HSD17B4: variants seen among roughly 807,000 people sequenced by gnomAD.
HSD17B4 encodes the protein hydroxysteroid 17-beta dehydrogenase 4.
In HSD17B4, 70 loss-of-function variants were observed where a neutral mutation model predicts 101.0. The ratio of observed to expected loss-of-function variants is 0.69; its 90% CI spans 0.57 to 0.85. HSD17B4 has a LOEUF of 0.85. Among genes scored for constraint, HSD17B4 ranks in the 40% least tolerant of loss-of-function variants. The pLI is 0.00. For synonymous variants in HSD17B4, 347 were observed against 297.1 expected, an observed-to-expected ratio of 1.17 and a Z score of -1.73; for missense variants, 984 against 892.4, an observed-to-expected ratio of 1.10 and a Z score of -1.31.
intron 18 of HSD17B4, chr5:119,525,715 T>A: frequency 1.8e-6 from 1 of 564,142 alleles, no homozygotes; most frequent in Non-Finnish European, 3.1e-6. Context: ...CCTGTTTTGT[T>A]TTTTTTTTTT....
intron 2 of HSD17B4, among the ~76,000 whole-genome samples, chr5:119,467,762 A>C (rs1182376645): frequency 6.6e-6 from 1 of 152,226 alleles, no homozygotes; most frequent in Non-Finnish European, 1.5e-5. Flanking sequence ...TCACAGGGCC[A>C]ACTTCAGGAC....
In HSD17B4 at chr5:119,499,419, A is replaced by G. The variant is rs1261386976; in HGVS notation, c.1075A>G (p.Lys359Glu). ...AGTGGGAGCGTCAATCAAGGATCCA[A>G]AAGATTTGAAATTTATTTATGAAGG... is the stretch of plus-strand genomic sequence containing the variant. ...LGVGASIKDPKDLKFIYEGSS... is the reference protein window; with the variant it reads ...LGVGASIKDPEDLKFIYEGSS... Residue 359 changes from lysine (K) to glutamate (E), a missense_variant, in exon 13 of 24, where the codon AAA becomes GAA. Physicochemically the swap from Lys to Glu is moderately conservative, Grantham distance 56 (BLOSUM62 1). Coordinates refer to ENST00000510025, the MANE Select transcript of HSD17B4 (RefSeq NM_000414.4). 6.2e-7 allele frequency: 1 copy of G among 1,613,756 alleles called. No homozygotes were observed. Among genetic ancestry groups the G allele is most frequent in the Non-Finnish European group, 8.5e-7 (1 of 1,179,708 alleles).
intron 18 of HSD17B4, chr5:119,525,616 T>G (rs1753517388): frequency 1.9e-6 from 1 of 517,634 alleles, no homozygotes; most frequent in Non-Finnish European, 3.5e-6. Flanking sequence ...CATGTACCTG[T>G]GTGGATGTTG....
At position 119,515,822 on chromosome 5, in the gene HSD17B4, G is replaced by C. The variant is rs139046804; in HGVS notation, c.1503+776G>C. On this transcript the variant is annotated intron_variant, in intron 17 of 23. Coordinates refer to ENST00000510025, the MANE Select transcript of HSD17B4 (RefSeq NM_000414.4). ...AAAGGTCACTTTAAAAAAATTTTTG[G>C]TTGTATTTTAGAAGAGAACAACACA... is the stretch of plus-strand genomic sequence containing the variant. Among the ~76,000 whole-genome samples the C allele has an allele frequency of 6.8e-4, 104 of 152,202 alleles. No individual in the cohort carries two copies. In the East Asian group the frequency reaches 0.018, roughly 27 times the overall value.
intron 20 of HSD17B4, among the ~76,000 whole-genome samples, chr5:119,528,332 T>TAA (rs1271057909): frequency 1.3e-5 from 2 of 152,162 alleles, no homozygotes; most frequent in Non-Finnish European, 2.9e-5. Flanking sequence ...AAATTCTTCT[T>TAA]ACATGGTTGC....
chr5:119,473,918 G>A lies in HSD17B4; in HGVS notation c.123G>A (p.Leu41=), dbSNP rs1748303506. Residue 41 remains leucine (L), a synonymous_variant, in exon 3 of 24, where the codon TTG becomes TTA. Transcript: ENST00000510025. The stretch of plus-strand genomic sequence containing the variant: ...GTTTTTGCATTACAGTGAATGATTT[G>A]GGAGGGGACTTCAAAGGAGTTGGTA... ...ERGALVVVND[L]GGDFKGVGKG... 6.3e-7 allele frequency: 1 copy of A among 1,587,620 alleles called. No homozygotes were observed. The highest frequency in any genetic ancestry group is 8.7e-7 in the Non-Finnish European group (1 of 1,156,064).
chr5:119,527,586 G>T lies in HSD17B4; in HGVS notation c.1767+367G>T, dbSNP rs957072781. ...AAAATTTAAAGGCATGACTCAGACA[G>T]ATATACAGTGAAAACATGACAGAAA... On this transcript the variant is annotated intron_variant, in intron 20 of 23. Coordinates refer to ENST00000510025, the MANE Select transcript of HSD17B4 (RefSeq NM_000414.4). Among the ~76,000 whole-genome samples the T allele has an allele frequency of 1.0e-3, 157 of 152,082 alleles. 1 individual carries two copies. Among genetic ancestry groups the T allele is most frequent in the African/African-American group, 3.8e-3 (157 of 41,536 alleles).
At chr5:119,479,743 G>A (rs1748942464) in intron 8 of HSD17B4, among the ~76,000 whole-genome samples, 1 of 152,006 alleles carries the variant, frequency 6.6e-6, no homozygotes, top group South Asian at 2.1e-4. Flanking sequence ...TACACCTATT[G>A]GGGGAGATCT....
chr5:119,539,434 G>A (rs1450479714), intron 23 of HSD17B4, among the ~76,000 whole-genome samples: 1 of 143,892 alleles, frequency 6.9e-6, no homozygotes, highest in Non-Finnish European at 1.6e-5. Flanking sequence ...ACCTGTCATG[G>A]GGTTGGGGGA....
At chr5:119,534,952 A>G (rs1334266692) in intron 22 of HSD17B4, among the ~76,000 whole-genome samples, 1 of 127,632 alleles carries the variant, frequency 7.8e-6, no homozygotes, top group Non-Finnish European at 1.7e-5. Context: ...TCATCTTAAT[A>G]ACATCATTTT....
chr5:119,456,143 G>T (rs1754622014), intron 1 of HSD17B4, among the ~76,000 whole-genome samples, 172 bp from the exon 2 acceptor site: 1 of 152,170 alleles, frequency 6.6e-6, no homozygotes, highest in South Asian at 2.1e-4. Context: ...TCCAGCCTCT[G>T]CAAGCAGAAG....
intron 15 of HSD17B4, 126 bp downstream of exon 15, chr5:119,507,015 T>C (rs1751713021): frequency 1.8e-6 from 1 of 569,740 alleles, no homozygotes; most frequent in Non-Finnish European, 3.2e-6. Flanking sequence ...GAAAACAAGA[T>C]AAGCATTTTT....
chr5:119,489,168 A>G (rs1262565512), intron 8 of HSD17B4, 24 bp from the exon 9 acceptor site: 2 of 1,402,400 alleles, frequency 1.4e-6, no homozygotes, highest in African/African-American at 1.4e-5. Context: ...GATTGATAAG[A>G]TATGTGTATA....
intron 7 of HSD17B4, among the ~76,000 whole-genome samples, chr5:119,478,577 A>G (rs1192641008): frequency 6.6e-6 from 1 of 152,180 alleles, no homozygotes; most frequent in Non-Finnish European, 1.5e-5. Flanking sequence ...AGGTTATTTT[A>G]TGGTTGTAAA....
intron 2 of HSD17B4, among the ~76,000 whole-genome samples, chr5:119,466,470 C>A (rs111312749): frequency 1.1e-4 from 16 of 152,144 alleles, no homozygotes; most frequent in African/African-American, 3.9e-4. Flanking sequence ...CTTTTTATAC[C>A]CGCTTCAATC....
At chr5:119,500,100 A>G (rs531276154) in intron 13 of HSD17B4, among the ~76,000 whole-genome samples, 58 of 152,288 alleles carry the variant, frequency 3.8e-4, no homozygotes, top group Admixed American at 2.7e-3. Context: ...ATCTGAGCTG[A>G]GTAGTGACAT....
intron 20 of HSD17B4, among the ~76,000 whole-genome samples, chr5:119,528,931 T>G (rs1753828368): frequency 6.6e-6 from 1 of 152,116 alleles, no homozygotes; most frequent in South Asian, 2.1e-4. Flanking sequence ...CTCCTTTCCT[T>G]TCTATTCTTA....
intron 4 of HSD17B4, 141 bp from the exon 5 acceptor site, chr5:119,475,565 T>C: frequency 1.5e-6 from 1 of 674,156 alleles, no homozygotes; most frequent in Non-Finnish European, 2.6e-6. Context: ...GTATAGACTT[T>C]TGTTTTGAAA....
chr5:119,492,184 T>C lies in HSD17B4; in HGVS notation c.739+60T>C, dbSNP rs543703043. ...ATTTCCTTATCTTTAAACCTACATA[T>C]CCAGTTGAGATGGGTAAGATTTTTG... On this transcript the variant is annotated intron_variant, in intron 10 of 23. Transcript: ENST00000510025. 3.0e-4 allele frequency: 386 copies of C among 1,282,460 alleles called. 7 individuals carry two copies. In the South Asian group the frequency reaches 3.9e-3, roughly 13 times the overall value. 79.4% of individuals were successfully genotyped at this position (1,282,460 alleles called of 1,614,324 possible).
Sources: allele counts gnomAD v4.1 joint callset (sites outside exome capture counted in the v4.1 genomes callset), GRCh38; gene constraint gnomAD v4.1.1; transcripts MANE v1.5; gene names NCBI Gene and HGNC (gene_info 2026-07-23, HGNC 2026-07-21).